CYSTM1: variants seen among roughly 807,000 people sequenced by gnomAD.
CYSTM1 encodes cysteine rich transmembrane module containing 1.
In CYSTM1, 4 loss-of-function variants were observed where a neutral mutation model predicts 13.1. That is an observed-to-expected ratio of 0.31 (90% CI 0.15 to 0.70). The LOEUF (loss-of-function observed/expected upper bound fraction) is 0.70, where lower values mean the gene tolerates loss of function less well. CYSTM1 is among the 30% of genes least tolerant of loss of function. The pLI is 0.72. For missense variants in CYSTM1, 96 were observed against 121.6 expected (o/e 0.79, Z 0.99); for synonymous variants, 36 against 42.7 (o/e 0.84, Z 0.62).
chr5:140,188,796 A>AG (rs70988735), intron 1 of CYSTM1, among the ~76,000 whole-genome samples: 4 of 151,634 alleles, frequency 2.6e-5, no homozygotes, highest in Non-Finnish European at 5.9e-5. Flanking sequence ...AAAAAAAAAA[A>AG]GAAATACAGA....
intron 1 of CYSTM1, among the ~76,000 whole-genome samples, chr5:140,187,433 C>T (rs183541200): frequency 2.7e-3 from 409 of 152,202 alleles, no homozygotes; most frequent in Admixed American, 6.8e-3. Context: ...GGTGTGATCA[C>T]GGCTCACCTC....
intron 1 of CYSTM1, among the ~76,000 whole-genome samples, chr5:140,183,566 G>A (rs1044164062): frequency 1.6e-4 from 24 of 152,364 alleles, no homozygotes; most frequent in African/African-American, 5.5e-4. Context: ...TGTTGGTGGG[G>A]TACTGACCAG....
intron 2 of CYSTM1, among the ~76,000 whole-genome samples, chr5:140,235,140 T>C (rs1330929239): frequency 1.3e-5 from 2 of 148,230 alleles, no homozygotes; most frequent in East Asian, 4.2e-4. Flanking sequence ...CTAATTTTTA[T>C]ACTTTTTAGT....
chr5:140,189,784 C>T, intron 1 of CYSTM1, among the ~76,000 whole-genome samples: 1 of 152,106 alleles, frequency 6.6e-6, no homozygotes, highest in East Asian at 1.9e-4. Context: ...ACACTTGTTT[C>T]ACTTCTATAT....
chr5:140,212,379 G>A (rs974441480), intron 2 of CYSTM1, among the ~76,000 whole-genome samples: 2 of 152,186 alleles, frequency 1.3e-5, no homozygotes, highest in Admixed American at 6.5e-5. Flanking sequence ...GGTGATGCTG[G>A]TGTAAACGAA....
chr5:140,236,879 G>A (rs1016888676), intron 2 of CYSTM1, among the ~76,000 whole-genome samples: 1 of 152,156 alleles, frequency 6.6e-6, no homozygotes, highest in African/African-American at 2.4e-5. Flanking sequence ...TTATTTAAAT[G>A]GGGTGATAAC....
intron 1 of CYSTM1, among the ~76,000 whole-genome samples, chr5:140,189,832 C>T (rs1303805406): frequency 6.6e-6 from 1 of 152,072 alleles, no homozygotes; most frequent in Non-Finnish European, 1.5e-5. Context: ...AATGTAAATA[C>T]TGCAAAAGTC....
intron 2 of CYSTM1, among the ~76,000 whole-genome samples, chr5:140,229,737 G>A (rs998845008): frequency 6.6e-6 from 1 of 151,206 alleles, no homozygotes; most frequent in Non-Finnish European, 1.5e-5. Context: ...TGCTCTTGTT[G>A]CCCAGGCTGG....
chr5:140,178,441 C>CTTTTTTTTTTTTTTT (rs577709524), intron 1 of CYSTM1, among the ~76,000 whole-genome samples: 823 of 52,672 alleles, frequency 0.016, 114 homozygotes, highest in East Asian at 0.025. Flanking sequence ...CAAGTCCTTC[C>CTTTTTTTTTTTTTTT]TTTTTTTTTT....
intron 2 of CYSTM1, among the ~76,000 whole-genome samples, chr5:140,207,388 A>C (rs1764311806): frequency 6.6e-6 from 1 of 152,124 alleles, no homozygotes; most frequent in Non-Finnish European, 1.5e-5. Flanking sequence ...CTTGGAGGGA[A>C]ACTACCCCTC....
intron 2 of CYSTM1, among the ~76,000 whole-genome samples, chr5:140,205,468 G>T (rs1764288112): frequency 6.6e-6 from 1 of 152,112 alleles, no homozygotes; most frequent in Non-Finnish European, 1.5e-5. Context: ...GCCCTGGAAA[G>T]CCTTTCCAGC....
intron 2 of CYSTM1, among the ~76,000 whole-genome samples, chr5:140,209,177 A>C (rs969851174): frequency 9.9e-5 from 15 of 152,110 alleles, no homozygotes; most frequent in Non-Finnish European, 2.1e-4. Context: ...TATGCAGGAG[A>C]GAGGACAGAA....
chr5:140,231,815 T>G (rs1157184949), intron 2 of CYSTM1, among the ~76,000 whole-genome samples: 1 of 152,164 alleles, frequency 6.6e-6, no homozygotes, highest in African/African-American at 2.4e-5. Context: ...TAGGAGCAGT[T>G]GAGAAACAGG....
chr5:140,197,104 C>A (rs1208726494), intron 2 of CYSTM1, among the ~76,000 whole-genome samples: 1 of 152,180 alleles, frequency 6.6e-6, no homozygotes, highest in East Asian at 1.9e-4. Flanking sequence ...TCATGGTCTT[C>A]CTGTCCATTT....
In CYSTM1 at chr5:140,175,950, G is replaced by T. The variant is rs1200622848; in HGVS notation, c.-21+665G>T. 1.3e-5 allele frequency among the ~76,000 whole-genome samples: 2 copies of T among 152,300 alleles called. No homozygotes were observed. The highest frequency in any genetic ancestry group is 4.8e-5 in the African/African-American group (2 of 41,552). On this transcript the variant is annotated intron_variant, in intron 1 of 2. Coordinates refer to ENST00000261811, the MANE Select transcript of CYSTM1 (RefSeq NM_032412.4). This position sits in a 1 kb window ranked among gnomAD's most constrained non-coding sequence, Gnocchi z 4.9. ...CTGACGGGTGGGAACTAATCTCCCG[G>T]TAGCAGTGGAGGTTGCAGGGGGGAG...
At chr5:140,209,681 C>T (rs988490293) in intron 2 of CYSTM1, among the ~76,000 whole-genome samples, 2 of 152,046 alleles carry the variant, frequency 1.3e-5, no homozygotes, top group Admixed American at 1.3e-4. Context: ...ACCTGCCTTG[C>T]CCTCCCAAAG....
At chr5:140,179,056 C>G (rs1241921568) in intron 1 of CYSTM1, among the ~76,000 whole-genome samples, 1 of 151,070 alleles carries the variant, frequency 6.6e-6, no homozygotes, top group Non-Finnish European at 1.5e-5. Context: ...CCCAGGAGTT[C>G]AAGACCAGCC....
intron 2 of CYSTM1, among the ~76,000 whole-genome samples, chr5:140,236,160 G>C (rs921057381): frequency 3.3e-5 from 5 of 151,972 alleles, no homozygotes; most frequent in Non-Finnish European, 7.4e-5. Flanking sequence ...TTTCTCCTCA[G>C]GTTTACAAAA....
At position 140,219,918 on chromosome 5, in the gene CYSTM1, C is replaced by T. The variant is rs944342617; in HGVS notation, c.188-23387C>T. Among the ~76,000 whole-genome samples, 4 of 152,254 alleles carry T rather than the reference C, an allele frequency of 2.6e-5. No individual in the cohort carries two copies. Among genetic ancestry groups the T allele is most frequent in the Admixed American group, 2.6e-4 (4 of 15,296 alleles). On this transcript the variant is annotated intron_variant, in intron 2 of 2. Transcript: ENST00000261811. This position sits in a 1 kb window ranked among gnomAD's most constrained non-coding sequence, Gnocchi z 4.1. Reference sequence around the variant, plus strand: ...AGCTACCTCCTTGGTGATCTCTGCCCATTTGGGCAAGTTCCAAAGAGCCAG... The same window carrying T: ...AGCTACCTCCTTGGTGATCTCTGCCTATTTGGGCAAGTTCCAAAGAGCCAG...
Sources: allele counts gnomAD v4.1 joint callset (sites outside exome capture counted in the v4.1 genomes callset), GRCh38; gene constraint gnomAD v4.1.1; non-coding constraint Gnocchi (gnomAD v3.1); transcripts MANE v1.5; gene names NCBI Gene and HGNC (gene_info 2026-07-23, HGNC 2026-07-21).